The following CARD8 variants were observed in gnomAD, a reference collection of about 807,000 sequenced individuals.
The protein encoded by CARD8 is caspase recruitment domain-containing protein 8.
CARD8 carries 38 observed loss-of-function variants against 53.2 expected under a neutral mutation model. The ratio of observed to expected loss-of-function variants is 0.71; its 90% confidence interval spans 0.55 to 0.94. The LOEUF (loss-of-function observed/expected upper bound fraction) is 0.94, where lower values mean the gene tolerates loss of function less well. Among genes scored for constraint, CARD8 ranks in the 40% least tolerant of loss-of-function variants. The pLI is 0.00. For missense variants in CARD8, 561 were observed against 655.5 expected, an observed-to-expected ratio of 0.86 and a Z score of 1.57; for synonymous variants, 245 against 244.9, an observed-to-expected ratio of 1.00 and a Z score of 0.00.
chr19:48,228,336 C>T (rs1054594737), intron 10 of CARD8, among the ~76,000 whole-genome samples: 1 of 152,184 alleles, frequency 6.6e-6, no homozygotes, highest in Non-Finnish European at 1.5e-5. Context: ...CCACCCTGGT[C>T]TGTGGAAAAA....
chr19:48,229,568 G>A (rs905907311), intron 10 of CARD8, among the ~76,000 whole-genome samples: 2 of 152,180 alleles, frequency 1.3e-5, no homozygotes, highest in Non-Finnish European at 2.9e-5. Context: ...TTAGACGGGG[G>A]GACGATACAA....
intron 3 of CARD8, among the ~76,000 whole-genome samples, 180 bp from the exon 4 acceptor site, chr19:48,241,243 TA>T (rs1397610791): frequency 6.6e-6 from 1 of 152,082 alleles, no homozygotes; most frequent in African/African-American, 2.4e-5. Context: ...AGGAGAGTTG[TA>T]AAACAGAAAC....
chr19:48,232,241 A>G, intron 7 of CARD8: 1 of 608,140 alleles, frequency 1.6e-6, no homozygotes, highest in East Asian at 2.8e-5. Context: ...CCCAGCCACC[A>G]GGACCACCCA....
intron 6 of CARD8, chr19:48,233,114 C>T: frequency 2.8e-6 from 1 of 354,018 alleles, no homozygotes; most frequent in Non-Finnish European, 5.5e-6. Flanking sequence ...CAGCCCACAT[C>T]AATTGAATCA....
At chr19:48,217,762 G>C (rs931130251) in intron 12 of CARD8, among the ~76,000 whole-genome samples, 1 of 152,110 alleles carries the variant, frequency 6.6e-6, no homozygotes, top group South Asian at 2.1e-4. Context: ...CAAATGTATT[G>C]GAGATATAAA....
intron 11 of CARD8, among the ~76,000 whole-genome samples, chr19:48,220,994 GAAAGAAAGAAAGAA>G (rs1483635549): frequency 1.0e-5 from 1 of 95,818 alleles, no homozygotes; most frequent in African/African-American, 4.3e-5. Context: ...AGGAAGGAAG[GAAAGAAAGAAAGAA>G]AAAGAAAGAA....
intron 4 of CARD8, among the ~76,000 whole-genome samples, chr19:48,239,768 G>C (rs1197504209): frequency 6.6e-6 from 1 of 152,138 alleles, no homozygotes; most frequent in African/African-American, 2.4e-5. Context: ...GAGTCACCAT[G>C]CCTGGCCAAG....
At chr19:48,203,358 T>A (rs2037236153), downstream of CARD8, 1 of 152,200 alleles carries the variant, frequency 6.6e-6, no homozygotes, top group Non-Finnish European at 1.5e-5. Context: ...ATTTACCACT[T>A]TGGCATTGTG....
intron 4 of CARD8, among the ~76,000 whole-genome samples, 168 bp downstream of exon 4, chr19:48,240,794 G>A (rs893370756): frequency 1.3e-5 from 2 of 151,770 alleles, no homozygotes; most frequent in Non-Finnish European, 2.9e-5. Flanking sequence ...GTACACCTGG[G>A]TGCCCATGGG....
intron 6 of CARD8, chr19:48,232,765 T>C: frequency 3.3e-6 from 2 of 614,952 alleles, no homozygotes; most frequent in Non-Finnish European, 6.1e-6. Flanking sequence ...TCACAGAAAG[T>C]TCTCTTAGAC....
intron 10 of CARD8, among the ~76,000 whole-genome samples, chr19:48,222,309 T>A (rs922565095): frequency 6.6e-6 from 1 of 152,114 alleles, no homozygotes; most frequent in Non-Finnish European, 1.5e-5. Flanking sequence ...AGGGCTGCTG[T>A]GAGATGCTCA....
chr19:48,241,181 A>G (rs2044967625), intron 3 of CARD8, 118 bp from the exon 4 acceptor site: 1 of 621,292 alleles, frequency 1.6e-6, no homozygotes. Flanking sequence ...CAAGAGATGC[A>G]TCAGTGGAAT....
chr19:48,217,238 G>A (rs1466580012), intron 12 of CARD8, among the ~76,000 whole-genome samples: 2 of 152,118 alleles, frequency 1.3e-5, no homozygotes, highest in African/African-American at 4.8e-5. Flanking sequence ...GCCACAGACC[G>A]GTACCAGTCC....
rs1056236025 is a variant in CARD8 at position 48,232,465 on chromosome 19, C to G, written c.379G>C (p.Gly127Arg). The G allele has an allele frequency of 5.3e-5, 82 of 1,535,784 alleles. No individual in the cohort carries two copies. The highest frequency in any genetic ancestry group is 6.8e-5 in the Non-Finnish European group (78 of 1,146,662). Residue 127 changes from glycine (G) to arginine (R), a missense_variant, in exon 7 of 14, where the codon GGA becomes CGA. Physicochemically the swap from Gly to Arg is moderately radical, Grantham distance 125. Coordinates refer to ENST00000651546, the MANE Select transcript of CARD8 (RefSeq NM_001184900.3). ...ATTAGCCCATTACCTGAATCTTGTCCCTCTGAAGATTCCTGCTCTTCTGAT... is the reference window on the plus strand; with the variant it reads ...ATTAGCCCATTACCTGAATCTTGTCGCTCTGAAGATTCCTGCTCTTCTGAT... ...SVSEEQESSEGQDSGDICSEE... is the reference protein window; with the variant it reads ...SVSEEQESSERQDSGDICSEE...
chr19:48,236,954 T>G (rs2044002621), intron 5 of CARD8, among the ~76,000 whole-genome samples: 1 of 152,076 alleles, frequency 6.6e-6, no homozygotes, highest in African/African-American at 2.4e-5. Flanking sequence ...TCTGTATTTT[T>G]AGTAGAGATG....
intron 3 of CARD8, among the ~76,000 whole-genome samples, chr19:48,245,801 G>A (rs2046013913): frequency 1.4e-5 from 2 of 147,470 alleles, no homozygotes; most frequent in Admixed American, 1.4e-4. Flanking sequence ...TTATTGTATT[G>A]TATATTGTAT....
intron 10 of CARD8, among the ~76,000 whole-genome samples, chr19:48,223,246 G>A (rs1345622025): frequency 6.6e-6 from 1 of 151,822 alleles, no homozygotes; most frequent in East Asian, 1.9e-4. Flanking sequence ...AGAGTTTGCA[G>A]TGAGTCGGGA....
At chr19:48,240,409 C>T (rs764972536) in intron 4 of CARD8, among the ~76,000 whole-genome samples, 11 of 152,068 alleles carry the variant, frequency 7.2e-5, no homozygotes, top group Non-Finnish European at 1.3e-4. Flanking sequence ...TTGCCATGGT[C>T]AGAATCAAGG....
intron 10 of CARD8, among the ~76,000 whole-genome samples, chr19:48,229,030 T>A (rs2042329668): frequency 6.6e-6 from 1 of 151,856 alleles, no homozygotes; most frequent in Non-Finnish European, 1.5e-5. Context: ...TCCCAGCTAC[T>A]CGGGAGGCTG....
Sources: allele counts gnomAD v4.1 joint callset (sites outside exome capture counted in the v4.1 genomes callset), GRCh38; gene constraint gnomAD v4.1.1; transcripts MANE v1.5; gene names NCBI Gene and HGNC (gene_info 2026-07-23, HGNC 2026-07-21).